TCF24: variants seen among roughly 807,000 people sequenced by gnomAD.
The protein encoded by TCF24 is transcription factor 24.
A neutral mutation model predicts 9.3 loss-of-function variants in TCF24; 5 were observed. The ratio of observed to expected loss-of-function variants is 0.54; its 90% CI spans 0.28 to 1.13. TCF24 has a LOEUF of 1.13. Ranked by LOEUF, TCF24 falls within the 50% of genes most tolerant of loss-of-function variation. The pLI is 0.09. For missense variants in TCF24, 220 were observed against 236.1 expected, an observed-to-expected ratio of 0.93 and a Z score of 0.45; for synonymous variants, 110 against 115.8, an observed-to-expected ratio of 0.95 and a Z score of 0.32.
chr8:66,961,596 C>G lies in TCF24; in HGVS notation c.170G>C (p.Arg57Pro). The G allele has an allele frequency of 4.5e-6, 6 of 1,326,966 alleles. No individual in the cohort carries two copies. Among genetic ancestry groups the G allele is most frequent in the Non-Finnish European group, 5.8e-6 (6 of 1,038,982 alleles). The allele number at this position is 1,326,966 out of a possible 1,614,324, so 82.2% of individuals were successfully genotyped here. Residue 57 changes from arginine to proline, a missense_variant, in exon 3 of 4, where the codon CGG becomes CCG. Physicochemically the swap from Arg to Pro is moderately radical, Grantham distance 103. Coordinates refer to ENST00000563496, the MANE Select transcript of TCF24 (RefSeq NM_001193502.2). ...SGRPAAANAA[R>P]ERSRVQTLRH... ...CAGGGTCTGCACCCGGCTGCGCTCCCGCGCCGCATTCGCCGCCGCCGGCCG... is the reference window on the plus strand; with the variant it reads ...CAGGGTCTGCACCCGGCTGCGCTCCGGCGCCGCATTCGCCGCCGCCGGCCG...
At chr8:66,949,790 T>C (rs1482685085) in intron 3 of TCF24, among the ~76,000 whole-genome samples, 1 of 149,456 alleles carries the variant, frequency 6.7e-6, no homozygotes, top group East Asian at 2.0e-4. Context: ...TTTTTAATGA[T>C]TGCCATTCTA....
chr8:66,960,269 CATT>C (rs1170234955), intron 3 of TCF24, among the ~76,000 whole-genome samples: 4 of 152,138 alleles, frequency 2.6e-5, no homozygotes, highest in African/African-American at 7.2e-5. Context: ...TTAAGTCTAT[CATT>C]ATGATTATAT....
At chr8:66,953,518 T>C (rs2130899173) in intron 3 of TCF24, among the ~76,000 whole-genome samples, 1 of 151,754 alleles carries the variant, frequency 6.6e-6, no homozygotes, top group East Asian at 1.9e-4. Flanking sequence ...TCTCTCTGGC[T>C]GCCCTTAACA....
chr8:66,954,406 G>A (rs1318269578), intron 3 of TCF24, among the ~76,000 whole-genome samples: 2 of 152,038 alleles, frequency 1.3e-5, no homozygotes, highest in South Asian at 2.1e-4. Flanking sequence ...TAGGCTGCTC[G>A]GGGGTCAGGG....
intron 3 of TCF24, among the ~76,000 whole-genome samples, chr8:66,949,106 C>CT (rs536966114): frequency 4.6e-4 from 68 of 146,704 alleles, no homozygotes; most frequent in South Asian, 3.0e-3. Flanking sequence ...CTTTTTTTTT[C>CT]TTTTTTTTTT....
chr8:66,953,005 G>C (rs1814082928), intron 3 of TCF24, among the ~76,000 whole-genome samples: 1 of 136,970 alleles, frequency 7.3e-6, no homozygotes, highest in Non-Finnish European at 1.6e-5. Context: ...ACGTGAGATG[G>C]GTTTCCTGAA....
chr8:66,951,719 G>A lies in TCF24; in HGVS notation c.391-3555C>T, dbSNP rs540513892. ...GTAGAATTCGGCTGTGAATCCATCT[G>A]GTCCTGGACTCTTTTTGGTTGGTAA... On this transcript the variant is annotated intron_variant, in intron 3 of 3. Transcript: ENST00000563496. Among the ~76,000 whole-genome samples, 8 of 151,980 alleles carry A rather than the reference G, an allele frequency of 5.3e-5. 1 individual carries two copies. The South Asian group carries it at 1.5e-3, about 28-fold the overall frequency.
chr8:66,956,724 A>G (rs1814159658), intron 3 of TCF24, among the ~76,000 whole-genome samples: 1 of 152,152 alleles, frequency 6.6e-6, no homozygotes, highest in South Asian at 2.1e-4. Context: ...TGGCATTGTT[A>G]TATCAGATTA....
At chr8:66,951,141 G>A (rs1268029832) in intron 3 of TCF24, among the ~76,000 whole-genome samples, 5 of 103,248 alleles carry the variant, frequency 4.8e-5, no homozygotes, top group African/African-American at 2.0e-4. Flanking sequence ...GAATAGGAGT[G>A]GTGAGAGAGG....
rs112859779 is a variant in TCF24 at position 66,948,134 on chromosome 8, C to G, written c.421G>C (p.Gly141Arg). Residue 141 changes from glycine to arginine, a missense_variant, in exon 4 of 4, where the codon GGT becomes CGT. Transcript: ENST00000563496. Reference sequence around the variant, plus strand: ...TGCTTCAGAAACTGACCAGTAGCACCGATGTACAATCTTGATCGCATGGGC... The same window carrying G: ...TGCTTCAGAAACTGACCAGTAGCACGGATGTACAATCTTGATCGCATGGGC... The part of the protein sequence containing the change: ...KWPMRSRLYI[G>R]ATGQFLKHSV... 2.0e-6 allele frequency: 3 copies of G among 1,533,280 alleles called. 1 individual carries two copies. In the South Asian group the frequency reaches 3.6e-5, roughly 18 times the overall value. The allele number at this position is 1,533,280 out of a possible 1,614,324, so 95.0% of individuals were successfully genotyped here.
chr8:66,961,290 A>G, intron 3 of TCF24, 86 bp downstream of exon 3: 1 of 1,323,856 alleles, frequency 7.6e-7, no homozygotes, highest in South Asian at 1.9e-5. Context: ...AAGGAATTAG[A>G]GCATCTACCC....
Position 66,961,631 on chromosome 8 carries a change from G to A in TCF24, c.135C>T (p.Ser45=), listed in dbSNP as rs1372037909. The change falls in exon 3 of 4, where the codon TCC becomes TCT. Residue 45 remains serine (S), a synonymous_variant. Transcript: ENST00000563496. ...TCGCCGCCGCCGGCCGCCCGCTCCCGGAACGCGAGCCGCCCCCAGGGCCCG... is the reference window on the plus strand; with the variant it reads ...TCGCCGCCGCCGGCCGCCCGCTCCCAGAACGCGAGCCGCCCCCAGGGCCCG... ...GPAGPGGGSR[S]GSGRPAAANA... The A allele has an allele frequency of 2.9e-5, 37 of 1,265,676 alleles. No homozygotes were observed. The highest frequency in any genetic ancestry group is 3.1e-5 in the Non-Finnish European group (31 of 1,007,960). 78.4% of individuals were successfully genotyped at this position (1,265,676 alleles called of 1,614,324 possible). A position where few individuals can be genotyped will look rare whatever the true frequency, so the allele number is the denominator to read the frequency against.
chr8:66,961,981 G>C lies in TCF24; in HGVS notation c.-128C>G. ...AGAGTTGCGGAACTCCGGAGTTCTT[G>C]GGCTTCCTAGAAGGATAAGAAGAGG... is the stretch of plus-strand genomic sequence containing the variant. On this transcript the variant is annotated 5_prime_UTR_variant, in exon 2 of 4. Transcript: ENST00000563496. 4.6e-6 allele frequency: 1 copy of C among 215,534 alleles called. No homozygotes were observed. The highest frequency in any genetic ancestry group is 8.4e-6 in the Non-Finnish European group (1 of 119,662). The allele number at this position is 215,534 out of a possible 1,614,324, so 13.4% of individuals were successfully genotyped here.
chr8:66,957,830 A>G (rs1158861934), intron 3 of TCF24, among the ~76,000 whole-genome samples: 1 of 150,380 alleles, frequency 6.6e-6, no homozygotes, highest in Non-Finnish European at 1.5e-5. Flanking sequence ...AAATTAAAAT[A>G]CTACTGAATG....
At chr8:66,949,896 A>G (rs1814028623) in intron 3 of TCF24, among the ~76,000 whole-genome samples, 1 of 142,588 alleles carries the variant, frequency 7.0e-6, no homozygotes, top group East Asian at 2.0e-4. Flanking sequence ...TGGCTGCATA[A>G]ATGTCTTCTT....
chr8:66,960,896 A>G (rs1364351857), intron 3 of TCF24, among the ~76,000 whole-genome samples: 1 of 152,218 alleles, frequency 6.6e-6, no homozygotes, highest in Non-Finnish European at 1.5e-5. Context: ...AGTTTTACCA[A>G]AAAATTTCAA....
chr8:66,956,001 T>C (rs1365890725), intron 3 of TCF24, among the ~76,000 whole-genome samples: 1 of 152,190 alleles, frequency 6.6e-6, no homozygotes, highest in Non-Finnish European at 1.5e-5. Flanking sequence ...GGTGTGATCA[T>C]GGCTCACTGC....
In TCF24 at chr8:66,962,560, C is replaced by G. The variant is rs1050401804; in HGVS notation, c.-366G>C. On this transcript the variant is annotated 5_prime_UTR_variant, in exon 1 of 4. Coordinates refer to ENST00000563496, the MANE Select transcript of TCF24 (RefSeq NM_001193502.2). ...AGGTCGGGCGGAGGACCTGGCCCAC[C>G]GGAGAGGCTACGCCGGGGGCTGAGG... 7 of 152,100 alleles carry G rather than the reference C, an allele frequency of 4.6e-5. No individual in the cohort carries two copies. The highest frequency in any genetic ancestry group is 2.0e-4 in the Admixed American group (3 of 15,300). The allele number at this position is 152,100 out of a possible 1,614,324, so 9.4% of individuals were successfully genotyped here. A position where few individuals can be genotyped will look rare whatever the true frequency, so the allele number is the denominator to read the frequency against.
At chr8:66,952,593 T>C (rs1318177685) in intron 3 of TCF24, among the ~76,000 whole-genome samples, 12 of 151,814 alleles carry the variant, frequency 7.9e-5, no homozygotes, top group Non-Finnish European at 5.9e-5. Context: ...TGGAGAGTTC[T>C]GTAGATGTCT....
Sources: gnomAD v4.1 joint callset for allele counts (sites outside exome capture counted in the v4.1 genomes callset) on GRCh38, gnomAD v4.1.1 for gene constraint, MANE v1.5 for transcripts, NCBI Gene and HGNC (gene_info 2026-07-23, HGNC 2026-07-21) for gene names.